ADCY9: variants seen among roughly 807,000 people sequenced by gnomAD.
ADCY9 encodes adenylate cyclase type 9.
ADCY9 carries 50 observed loss-of-function variants against 101.5 expected under a neutral mutation model. The ratio of observed to expected loss-of-function variants is 0.49; its 90% CI spans 0.39 to 0.62. The LOEUF is 0.62. Ranked by LOEUF, ADCY9 falls within the 20% of genes least tolerant of loss-of-function variation. The probability of loss-of-function intolerance (pLI) is 0.00; values close to 1 mark genes in which losing one functional copy is unlikely to be tolerated. For synonymous variants in ADCY9, 905 were observed against 769.3 expected, an observed-to-expected ratio of 1.18 and a Z score of -2.92; for missense variants, 1,662 against 1,800.4, an observed-to-expected ratio of 0.92 and a Z score of 1.39.
intron 2 of ADCY9, among the ~76,000 whole-genome samples, chr16:4,027,028 G>A (rs2056520479): frequency 6.6e-6 from 1 of 152,172 alleles, no homozygotes; most frequent in Non-Finnish European, 1.5e-5. Context: ...GTCTTCAGGT[G>A]TAACGTTGCA....
At chr16:4,113,659 T>C in intron 2 of ADCY9, 91 bp downstream of exon 2, 4 of 1,493,092 alleles carry the variant, frequency 2.7e-6, no homozygotes, top group Non-Finnish European at 3.6e-6. Flanking sequence ...ACCTGAGCTG[T>C]CTGCAGACAC....
rs917177267 is a variant in ADCY9 at position 3,998,965 on chromosome 16, T to A, written c.1885-5455A>T. Among the ~76,000 whole-genome samples, 4 of 151,834 alleles carry A rather than the reference T, an allele frequency of 2.6e-5. No individual in the cohort carries two copies. The East Asian group carries it at 7.7e-4, about 29-fold the overall frequency. ...CTACCCCCCAACCCCCATGGCAATTTTCCTTGAGCGATTCATTAGCTTAAT... is the reference window on the plus strand; with the variant it reads ...CTACCCCCCAACCCCCATGGCAATTATCCTTGAGCGATTCATTAGCTTAAT... On this transcript the variant is annotated intron_variant, in intron 3 of 10. Coordinates refer to ENST00000294016, the MANE Select transcript of ADCY9 (RefSeq NM_001116.4).
At chr16:4,070,128 GT>G (rs1488955581) in intron 2 of ADCY9, among the ~76,000 whole-genome samples, 1 of 151,866 alleles carries the variant, frequency 6.6e-6, no homozygotes, top group East Asian at 1.9e-4. Flanking sequence ...GTATGTGTGT[GT>G]GTGTGTGTGT....
chr16:3,999,998 TGAG>T (rs576967183), intron 3 of ADCY9, among the ~76,000 whole-genome samples: 186 of 152,296 alleles, frequency 1.2e-3, no homozygotes, highest in African/African-American at 4.4e-3. Flanking sequence ...TTCTCAGAAA[TGAG>T]GAGGATACAC....
chr16:4,038,861 C>T (rs1019471046), intron 2 of ADCY9, among the ~76,000 whole-genome samples: 3 of 152,038 alleles, frequency 2.0e-5, no homozygotes, highest in Non-Finnish European at 4.4e-5. Context: ...GAATGTCTCT[C>T]GGGCCCCAGC....
At chr16:4,032,517 T>C (rs1331427230) in intron 2 of ADCY9, among the ~76,000 whole-genome samples, 2 of 151,308 alleles carry the variant, frequency 1.3e-5, no homozygotes, top group Non-Finnish European at 3.0e-5. Context: ...CACAATTTTT[T>C]TTTTTTTTTG....
intron 5 of ADCY9, among the ~76,000 whole-genome samples, chr16:3,956,503 T>TTTTTTTTTTTTTTTGGG (rs55792938): frequency 1.0e-4 from 7 of 69,492 alleles, no homozygotes; most frequent in African/African-American, 2.8e-4. Flanking sequence ...TTTTTTTTTT[T>TTTTTTTTTTTTTTTGGG]GGGGGGGGAT....
intron 2 of ADCY9, among the ~76,000 whole-genome samples, chr16:4,089,721 C>G (rs1262900555): frequency 1.3e-5 from 2 of 151,946 alleles, no homozygotes; most frequent in Non-Finnish European, 2.9e-5. Context: ...GGGAGGCTCC[C>G]GAGACAAGAC....
At chr16:3,956,208 A>G (rs1472971633) in intron 5 of ADCY9, among the ~76,000 whole-genome samples, 1 of 151,740 alleles carries the variant, frequency 6.6e-6, no homozygotes, top group East Asian at 1.9e-4. Context: ...GCAAAGTCAT[A>G]TTTTTTTTCA....
At chr16:3,996,503 C>T (rs1175305473) in intron 3 of ADCY9, among the ~76,000 whole-genome samples, 1 of 152,156 alleles carries the variant, frequency 6.6e-6, no homozygotes, top group Non-Finnish European at 1.5e-5. Context: ...TGAGGGAACT[C>T]TCTGGTGTGG....
intron 2 of ADCY9, among the ~76,000 whole-genome samples, chr16:4,014,928 CCT>C (rs1160025754): frequency 3.0e-5 from 4 of 135,434 alleles, no homozygotes; most frequent in South Asian, 2.4e-4. Context: ...ACCACATTCC[CCT>C]GTTTTGGCCT....
intron 6 of ADCY9, among the ~76,000 whole-genome samples, chr16:3,988,054 G>T (rs1015734367): frequency 6.6e-6 from 1 of 152,134 alleles, no homozygotes; most frequent in East Asian, 1.9e-4. Flanking sequence ...GGGGCTGGAG[G>T]AGAGAGACGG....
rs2056251199 is a variant in ADCY9 at position 3,992,308 on chromosome 16, T to C, written c.2045A>G (p.Glu682Gly). Residue 682 changes from glutamate to glycine, a missense_variant, in exon 5 of 11, where the codon GAG becomes GGG. Glu to Gly is a moderately conservative substitution (Grantham distance 98). This residue lies in a region of ADCY9 where 624 missense variants were observed against 639.1 expected (regional missense o/e 0.98). Transcript: ENST00000294016. The surrounding 1 kb of genome is among the most constrained non-coding windows in gnomAD (Gnocchi z 4.2). ...AGTCTGACTGTTGGTGAGCTTCTCC[T>C]CTTGGGGAGGGCTGAGGAGCCCGTT... ...TQNGLLSPPQEEKLTNSQTSL... is the reference protein window; with the variant it reads ...TQNGLLSPPQGEKLTNSQTSL... 1 of 1,613,974 alleles carries C rather than the reference T, an allele frequency of 6.2e-7. No individual in the cohort carries two copies. The highest frequency in any genetic ancestry group is 1.7e-5 in the Admixed American group (1 of 59,994).
intron 2 of ADCY9, among the ~76,000 whole-genome samples, chr16:4,009,142 C>T (rs933953568): frequency 8.5e-5 from 13 of 152,154 alleles, no homozygotes; most frequent in African/African-American, 3.1e-4. Flanking sequence ...TGAGAATTTG[C>T]CAAGAGTCCT....
intron 2 of ADCY9, among the ~76,000 whole-genome samples, chr16:4,093,883 T>C (rs957017680): frequency 5.9e-5 from 9 of 152,232 alleles, no homozygotes; most frequent in African/African-American, 2.2e-4. Context: ...TGGTGCTAAA[T>C]GCAACAGAAG....
Position 3,966,312 on chromosome 16 carries a change from C to A in ADCY9, c.3525G>T (p.Gly1175=), listed in dbSNP as rs778993166. Residue 1175 remains glycine (G), a synonymous_variant, in exon 11 of 11, where the codon GGG becomes GGT. Coordinates refer to ENST00000294016, the MANE Select transcript of ADCY9 (RefSeq NM_001116.4). ...ACAGCAGCTTGGTGGTGCCGATGACCCCGGCCGTGAGGGGCCCATGGTTGA... is the reference window on the plus strand; with the variant it reads ...ACAGCAGCTTGGTGGTGCCGATGACACCGGCCGTGAGGGGCCCATGGTTGA... ...VGFNHGPLTA[G]VIGTTKLLYD... 6.2e-7 allele frequency: 1 copy of A among 1,614,088 alleles called. No homozygotes were observed. The highest frequency in any genetic ancestry group is 8.5e-7 in the Non-Finnish European group (1 of 1,180,038).
At chr16:4,070,751 G>C (rs2056829013) in intron 2 of ADCY9, among the ~76,000 whole-genome samples, 1 of 151,404 alleles carries the variant, frequency 6.6e-6, no homozygotes, top group African/African-American at 2.4e-5. Flanking sequence ...TTCCAGACCA[G>C]CCTGAGTAAC....
chr16:4,113,598 A>G lies in ADCY9; in HGVS notation c.1693+152T>C, dbSNP rs551493872. On this transcript the variant is annotated intron_variant, in intron 2 of 10. Coordinates refer to ENST00000294016, the MANE Select transcript of ADCY9 (RefSeq NM_001116.4). ...GATCTGTGATATTTGACCCGCTGAA[A>G]GAAAAGTCACACTGACCCTGAGATC... 7 of 1,065,278 alleles carry G rather than the reference A, an allele frequency of 6.6e-6. 1 individual carries two copies. The African/African-American group carries it at 1.1e-4, about 17-fold the overall frequency. 66.0% of individuals were successfully genotyped at this position (1,065,278 alleles called of 1,614,324 possible).
intron 2 of ADCY9, among the ~76,000 whole-genome samples, chr16:4,074,523 T>G (rs1247078388): frequency 2.0e-5 from 3 of 146,848 alleles, no homozygotes; most frequent in Non-Finnish European, 4.5e-5. Context: ...AGTGAGGATC[T>G]GCCTCCGCAA....
Sources: gnomAD v4.1 joint callset for allele counts (sites outside exome capture counted in the v4.1 genomes callset) on GRCh38, gnomAD v4.1.1 for gene constraint, gnomAD v4.1.1 regional missense constraint, Gnocchi (gnomAD v3.1) non-coding constraint, MANE v1.5 for transcripts, NCBI Gene and HGNC (gene_info 2026-07-23, HGNC 2026-07-21) for gene names.